Variants in EP400 observed in about 807,000 individuals in gnomAD.
EP400 encodes E1A-binding protein p400.
Under a neutral mutation model 354.1 loss-of-function variants are expected in EP400, and 105 were observed. The observed-to-expected ratio is 0.30, with a 90% CI of 0.25 to 0.35. The LOEUF (loss-of-function observed/expected upper bound fraction) is 0.35, where lower values mean the gene tolerates loss of function less well. Ranked by LOEUF, EP400 falls within the 10% of genes least tolerant of loss-of-function variation. The pLI, the probability that EP400 is intolerant of heterozygous loss-of-function variation, is 1.00. For synonymous variants in EP400, 1,646 were observed against 1,716.9 expected, an observed-to-expected ratio of 0.96 and a Z score of 1.02; for missense variants, 3,280 against 4,121.0, an observed-to-expected ratio of 0.80 and a Z score of 5.59.
chr12:132,041,872 G>GTT, intron 32 of EP400, among the ~76,000 whole-genome samples: 1 of 151,304 alleles, frequency 6.6e-6, no homozygotes, highest in African/African-American at 2.4e-5. Context: ...TTTACTGGCA[G>GTT]TTTGAGTACT....
intron 12 of EP400, among the ~76,000 whole-genome samples, chr12:131,997,275 CT>C (rs1337353932): frequency 1.5e-3 from 222 of 144,226 alleles, no homozygotes; most frequent in Middle Eastern, 3.6e-3. Context: ...TTTTCTTTTT[CT>C]TTTTTTTTTT....
Position 132,053,487 on chromosome 12 carries a change from C to A in EP400, c.7618C>A (p.Pro2540Thr), listed in dbSNP as rs1267930742. Reference sequence around the variant, plus strand: ...GGGCAGCCAGCCGCCAGCAGGGCCACCAGCTGTCCAGCCCCAACCCCAGCC... The same window carrying A: ...GGGCAGCCAGCCGCCAGCAGGGCCAACAGCTGTCCAGCCCCAACCCCAGCC... ...AAGSQPPAGP[P>T]AVQPQPQPQP... The change falls in exon 43 of 53, where the codon CCA becomes ACA. Residue 2540 changes from proline (P) to threonine (T), a missense_variant. By Grantham distance (38) the Pro-to-Thr change is conservative. Transcript: ENST00000389561. 6 of 1,535,810 alleles carry A rather than the reference C, an allele frequency of 3.9e-6. No individual in the cohort carries two copies. Among genetic ancestry groups the A allele is most frequent in the Non-Finnish European group, 3.5e-6 (4 of 1,147,014 alleles).
chr12:131,963,749 C>A, intron 2 of EP400: 2 of 791,992 alleles, frequency 2.5e-6, no homozygotes, highest in Non-Finnish European at 3.9e-6. Flanking sequence ...TTTTCCAGAG[C>A]CCATTTCTTA....
chr12:131,992,062 A>AGC (rs1893057994), intron 10 of EP400, 111 bp from the exon 11 acceptor site: 2 of 1,115,964 alleles, frequency 1.8e-6, no homozygotes, highest in South Asian at 2.5e-5. Flanking sequence ...AGGGCAGCCT[A>AGC]GCAGGCTTGC....
In EP400 at chr12:131,960,877, C is replaced by G; in HGVS notation, c.258C>G (p.Asn86Lys). 1 of 1,614,028 alleles carries G rather than the reference C, an allele frequency of 6.2e-7. No homozygotes were observed. The highest frequency in any genetic ancestry group is 8.5e-7 in the Non-Finnish European group (1 of 1,180,026). Residue 86 changes from asparagine (N) to lysine (K), a missense_variant, in exon 2 of 53, where the codon AAC (asparagine) becomes AAG (lysine). Physicochemically the swap from Asn to Lys is moderately conservative, Grantham distance 94 (BLOSUM62 0). This residue lies in a region of EP400 where 172 missense variants were observed against 242.9 expected (regional missense o/e 0.71). Coordinates refer to ENST00000389561, the MANE Select transcript of EP400 (RefSeq NM_015409.5). Reference sequence around the variant, plus strand: ...GCGTGGGCCCTGTCGTCGGGGGAAACCAGCAGATCACACTGGCCCCACTGC... The same window carrying G: ...GCGTGGGCCCTGTCGTCGGGGGAAAGCAGCAGATCACACTGGCCCCACTGC... ...LQSVGPVVGG[N>K]QQITLAPLPL...
intron 45 of EP400, among the ~76,000 whole-genome samples, chr12:132,055,704 G>A (rs896817494): frequency 1.4e-5 from 2 of 146,920 alleles, no homozygotes; most frequent in East Asian, 2.0e-4. Flanking sequence ...AAGTGTAGGG[G>A]TGTGTGTGTG....
intron 30 of EP400, among the ~76,000 whole-genome samples, chr12:132,036,317 G>C (rs1386137907): frequency 6.6e-6 from 1 of 151,188 alleles, no homozygotes; most frequent in African/African-American, 2.4e-5. Context: ...CACACACCCA[G>C]GTTCATACGG....
intron 32 of EP400, 100 bp from the exon 33 acceptor site, chr12:132,043,204 A>G (rs1894973279): frequency 6.2e-6 from 8 of 1,297,668 alleles, no homozygotes; most frequent in South Asian, 1.5e-5. Context: ...GGGTGATTAT[A>G]GTGGAGGCAT....
At chr12:131,981,167 G>A (rs1040035959) in intron 3 of EP400, among the ~76,000 whole-genome samples, 5 of 152,252 alleles carry the variant, frequency 3.3e-5, no homozygotes, top group Non-Finnish European at 7.3e-5. Context: ...CCATGCTCTC[G>A]TCCGTGTACT....
chr12:132,024,289 C>T (rs1894223557), intron 24 of EP400, among the ~76,000 whole-genome samples: 1 of 152,182 alleles, frequency 6.6e-6, no homozygotes, highest in Non-Finnish European at 1.5e-5. Context: ...GGGAAGATCA[C>T]CTGAGCCCCA....
chr12:132,025,611 C>G lies in EP400; in HGVS notation c.4856-35C>G. ...AGTGTGTGGCTGTGATGTACACATGCCTGTCATTGACACCTAGTGGACCTA... is the reference window on the plus strand; with the variant it reads ...AGTGTGTGGCTGTGATGTACACATGGCTGTCATTGACACCTAGTGGACCTA... On this transcript the variant is annotated intron_variant, in intron 24 of 52. Coordinates refer to ENST00000389561, the MANE Select transcript of EP400 (RefSeq NM_015409.5). This position sits in a 1 kb window ranked among gnomAD's most constrained non-coding sequence, Gnocchi z 4.1. 1.9e-6 allele frequency: 3 copies of G among 1,555,356 alleles called. No individual in the cohort carries two copies. The South Asian group carries it at 3.6e-5, about 19-fold the overall frequency.
At chr12:132,041,993 C>T (rs1173130245) in intron 32 of EP400, among the ~76,000 whole-genome samples, 3 of 145,380 alleles carry the variant, frequency 2.1e-5, no homozygotes, top group Non-Finnish European at 1.5e-5. Flanking sequence ...CACTCATCGT[C>T]CAGGCTGCAG....
Position 131,950,013 on chromosome 12 carries a change from C to A in EP400, c.-59C>A, listed in dbSNP as rs547745398. 2 of 151,974 alleles carry A rather than the reference C, an allele frequency of 1.3e-5. No homozygotes were observed. The highest frequency in any genetic ancestry group is 4.1e-4 in the South Asian group (2 of 4,834). 9.4% of individuals were successfully genotyped at this position (151,974 alleles called of 1,614,324 possible). A position where few individuals can be genotyped will look rare whatever the true frequency, so the allele number is the denominator to read the frequency against. On this transcript the variant is annotated 5_prime_UTR_variant, in exon 1 of 53. Coordinates refer to ENST00000389561, the MANE Select transcript of EP400 (RefSeq NM_015409.5). ...CATCCTCCCGCCCTCCTGACGCGGC[C>A]GGAGCGCAGCCCTGAGGCCCAGGGT...
rs1003802022 is a variant in EP400, at chr12:132,005,835, G to A, written c.2936-277G>A. 2.4e-4 allele frequency among the ~76,000 whole-genome samples: 37 copies of A among 152,228 alleles called. No individual in the cohort carries two copies. The East Asian group carries it at 6.2e-3, about 25-fold the overall frequency. ...CTCTCTGTGATACCAGCTCCTAATTGCTATGGAGACATTTTCCAAAATGCC... is the reference window on the plus strand; with the variant it reads ...CTCTCTGTGATACCAGCTCCTAATTACTATGGAGACATTTTCCAAAATGCC... On this transcript the variant is annotated intron_variant, in intron 13 of 52. Coordinates refer to ENST00000389561, the MANE Select transcript of EP400 (RefSeq NM_015409.5).
At chr12:132,047,613 G>C (rs1200716687) in intron 39 of EP400, among the ~76,000 whole-genome samples, 4 of 152,218 alleles carry the variant, frequency 2.6e-5, no homozygotes, top group African/African-American at 9.6e-5. Context: ...CAAGGTAATA[G>C]AATATCACAA....
chr12:132,056,515 G>A (rs1372126351), intron 45 of EP400, among the ~76,000 whole-genome samples: 1 of 152,088 alleles, frequency 6.6e-6, no homozygotes, highest in Non-Finnish European at 1.5e-5. Context: ...GTCAGCAAAC[G>A]GTGCTGTAAC....
At chr12:132,030,262 G>C in intron 29 of EP400, 104 bp downstream of exon 29, 1 of 1,328,542 alleles carries the variant, frequency 7.5e-7, no homozygotes, top group Non-Finnish European at 1.0e-6. Flanking sequence ...CTAAGTGAAA[G>C]GGGAGGGACT....
intron 15 of EP400, among the ~76,000 whole-genome samples, chr12:132,009,001 C>G (rs1893676720): frequency 7.4e-6 from 1 of 135,262 alleles, no homozygotes; most frequent in African/African-American, 2.7e-5. Flanking sequence ...ACAGCCCTGA[C>G]TTCCCAGGTG....
chr12:131,994,820 C>T lies in EP400; in HGVS notation c.2738-47C>T, dbSNP rs1296359756. 28 of 1,539,634 alleles carry T rather than the reference C, an allele frequency of 1.8e-5. No homozygotes were observed. Among genetic ancestry groups the T allele is most frequent in the Non-Finnish European group, 2.3e-5 (26 of 1,114,098 alleles). ...TATAGTGTGTAATGAGTAACAGACA[C>T]TCAAGTGGTGTTGCCTCTCAGTGAC... On this transcript the variant is annotated intron_variant, in intron 11 of 52. Coordinates refer to ENST00000389561, the MANE Select transcript of EP400 (RefSeq NM_015409.5). The surrounding 1 kb of genome is among the most constrained non-coding windows in gnomAD (Gnocchi z 4.6).
Sources: gnomAD v4.1 joint callset for allele counts (sites outside exome capture counted in the v4.1 genomes callset) on GRCh38, gnomAD v4.1.1 for gene constraint, gnomAD v4.1.1 regional missense constraint, Gnocchi (gnomAD v3.1) non-coding constraint, MANE v1.5 for transcripts, NCBI Gene and HGNC (gene_info 2026-07-23, HGNC 2026-07-21) for gene names.